TUBGCP5: variants seen among roughly 807,000 people sequenced by gnomAD.
The protein encoded by TUBGCP5 is gamma-tubulin complex component 5.
Under a neutral mutation model 134.7 loss-of-function variants are expected in TUBGCP5, and 98 were observed. The ratio of observed to expected loss-of-function variants is 0.73; its 90% CI spans 0.62 to 0.86. TUBGCP5 has a LOEUF of 0.86. Ranked by LOEUF, TUBGCP5 falls within the 40% of genes least tolerant of loss-of-function variation. The probability of loss-of-function intolerance (pLI) is 0.00; values close to 1 mark genes in which losing one functional copy is unlikely to be tolerated. For missense variants in TUBGCP5, 1,150 were observed against 1,244.8 expected (o/e 0.92, Z 1.15); for synonymous variants, 456 against 431.4 (o/e 1.06, Z -0.71).
intron 21 of TUBGCP5, among the ~76,000 whole-genome samples, chr15:23,002,114 A>ATT (rs2064421574): frequency 6.6e-6 from 1 of 150,768 alleles, no homozygotes; most frequent in African/African-American, 2.4e-5. Context: ...CAGCAGTGTT[A>ATT]TTTCTCCTCC....
intron 23 of TUBGCP5, among the ~76,000 whole-genome samples, chr15:22,992,603 G>C (rs2063882985): frequency 6.6e-6 from 1 of 152,106 alleles, no homozygotes; most frequent in Non-Finnish European, 1.5e-5. Context: ...CCTAACAGGT[G>C]GGCATGGCTC....
intron 21 of TUBGCP5, among the ~76,000 whole-genome samples, chr15:23,002,801 AG>A (rs778049909): frequency 2.6e-5 from 4 of 152,032 alleles, no homozygotes; most frequent in Non-Finnish European, 5.9e-5. Context: ...ATATAACATG[AG>A]TATAATCTAA....
At chr15:23,014,227 C>T (rs559408369) in intron 13 of TUBGCP5, among the ~76,000 whole-genome samples, 28 of 152,342 alleles carry the variant, frequency 1.8e-4, no homozygotes, top group South Asian at 4.1e-4. Flanking sequence ...CCCTTGCAGA[C>T]AGGCCCGTGG....
At chr15:22,996,942 G>A (rs2064109257), downstream of TUBGCP5, 1 of 151,954 alleles carries the variant, frequency 6.6e-6, no homozygotes, top group South Asian at 2.1e-4. Flanking sequence ...GCTCCAGCAT[G>A]GGCAACAAAG....
downstream of TUBGCP5, among the ~76,000 whole-genome samples, chr15:22,995,586 A>AC (rs1330562201): frequency 1.3e-5 from 2 of 151,634 alleles, no homozygotes; most frequent in Non-Finnish European, 1.5e-5. Context: ...AAAAAAAAAA[A>AC]AAACAAAACA....
chr15:23,039,109 G>A (rs1239466118), intron 1 of TUBGCP5, among the ~76,000 whole-genome samples: 1 of 151,982 alleles, frequency 6.6e-6, no homozygotes, highest in African/African-American at 2.4e-5. Flanking sequence ...GCCTCCCAGA[G>A]CGCTGGGGTT....
intron 6 of TUBGCP5, among the ~76,000 whole-genome samples, chr15:23,030,320 G>C (rs1228833646): frequency 6.6e-6 from 1 of 152,140 alleles, no homozygotes; most frequent in Non-Finnish European, 1.5e-5. Context: ...AAGTCTGTCT[G>C]TTTCTGGGTC....
chr15:23,001,483 A>G lies in TUBGCP5; in HGVS notation c.2928-814T>C, dbSNP rs189271483. Among the ~76,000 whole-genome samples, 501 of 150,844 alleles carry G rather than the reference A, an allele frequency of 3.3e-3. 3 individuals carry two copies. The highest frequency in any genetic ancestry group is 4.3e-3 in the Non-Finnish European group (290 of 67,820). ...CTCAGCCTCCCAAGTAGCTGGGATT[A>G]CAGGCATGCACCACCACGCCTGGCT... On this transcript the variant is annotated intron_variant, in intron 21 of 22. Transcript: ENST00000615383.
rs1204020002 is a variant in TUBGCP5 at position 23,000,581 on chromosome 15, A to T, written c.3016T>A (p.Ser1006Thr). 1 of 1,612,364 alleles carries T rather than the reference A, an allele frequency of 6.2e-7. No homozygotes were observed. Among genetic ancestry groups the T allele is most frequent in the Non-Finnish European group, 8.5e-7 (1 of 1,179,066 alleles). The change falls in exon 22 of 23, where the codon TCC (serine) becomes ACC (threonine). Residue 1006 changes from serine to threonine, a missense_variant. Physicochemically the swap from Ser to Thr is moderately conservative, Grantham distance 58. Around this residue, in one of 2 missense-constraint regions of TUBGCP5, gnomAD observed 697 missense variants for 850.1 expected, o/e 0.82. Coordinates refer to ENST00000615383, the MANE Select transcript of TUBGCP5 (RefSeq NM_052903.6). ...ATGATATACTCACAATGGGGAAAGG[A>T]TCCTCTACAGACGGCTTTGTTTAAA... ...TILNKAVCRG[S>T]FPHLESLALS...
At chr15:23,037,966 G>A (rs1239440268) in intron 1 of TUBGCP5, among the ~76,000 whole-genome samples, 2 of 152,044 alleles carry the variant, frequency 1.3e-5, no homozygotes, top group Admixed American at 1.3e-4. Context: ...GGGTTTCACC[G>A]TGTTAGCCAG....
At position 23,018,220 on chromosome 15, in the gene TUBGCP5, A is replaced by C. The variant is rs182099526; in HGVS notation, c.1488-179T>G. ...CTCAGTTTAAAGAGAAAAGTGAATA[A>C]ATACTTTGAATAGTGTAAGTAAAAT... On this transcript the variant is annotated intron_variant, in intron 12 of 22. Coordinates refer to ENST00000615383, the MANE Select transcript of TUBGCP5 (RefSeq NM_052903.6). Among the ~76,000 whole-genome samples the C allele has an allele frequency of 1.4e-3, 209 of 152,338 alleles. 1 individual carries two copies. Among genetic ancestry groups the C allele is most frequent in the African/African-American group, 4.4e-3 (183 of 41,580 alleles).
intron 6 of TUBGCP5, among the ~76,000 whole-genome samples, chr15:23,030,310 AAGTC>A (rs1226382653): frequency 6.6e-6 from 1 of 152,186 alleles, no homozygotes. Flanking sequence ...ACAAATAAAA[AAGTC>A]TGTCTGTTTC....
At chr15:23,021,081 G>A (rs2065659540) in intron 11 of TUBGCP5, among the ~76,000 whole-genome samples, 1 of 152,076 alleles carries the variant, frequency 6.6e-6, no homozygotes, top group Non-Finnish European at 1.5e-5. Context: ...TAGAGACGGG[G>A]TTTCACCATG....
chr15:23,032,886 G>C, intron 3 of TUBGCP5, 62 bp from the exon 4 acceptor site: 1 of 1,251,804 alleles, frequency 8.0e-7, no homozygotes. Context: ...ACACCAGATT[G>C]AGTAAAGATA....
intron 11 of TUBGCP5, among the ~76,000 whole-genome samples, chr15:23,021,626 CTT>C (rs1306799594): frequency 6.6e-6 from 1 of 152,236 alleles, no homozygotes; most frequent in Non-Finnish European, 1.5e-5. Context: ...CAGCATTCCA[CTT>C]TGTTTCTGTG....
rs150851985 is a variant in TUBGCP5 at position 23,000,161 on chromosome 15, C to T, written c.3029-295G>A. 1.8e-3 allele frequency: 1,381 copies of T among 775,088 alleles called. 4 individuals are homozygous for T. Among genetic ancestry groups the T allele is most frequent in the Admixed American group, 3.6e-3 (93 of 25,838 alleles). 48.0% of individuals were successfully genotyped at this position (775,088 alleles called of 1,614,324 possible). ...TCCTGACCTTAAGTGATTCACTCAA[C>T]CTCCCAAAGGGCTGGGATTAGAGGC... is the stretch of plus-strand genomic sequence containing the variant. On this transcript the variant is annotated intron_variant, in intron 22 of 22. Transcript: ENST00000615383.
In TUBGCP5 at chr15:23,035,711, C is replaced by A. The variant is rs1355667228; in HGVS notation, c.309+1186G>T. Among the ~76,000 whole-genome samples the A allele has an allele frequency of 2.6e-5, 4 of 152,056 alleles. 1 individual carries two copies. The East Asian group carries it at 7.7e-4, about 29-fold the overall frequency. On this transcript the variant is annotated intron_variant, in intron 3 of 22. Coordinates refer to ENST00000615383, the MANE Select transcript of TUBGCP5 (RefSeq NM_052903.6). ...ACCATGTGGGGGTTGGGGACCTCTG[C>A]CATAACAAACACATCCAAGATGCCA...
At chr15:23,025,830 CAAAAAA>C (rs553348558) in intron 8 of TUBGCP5, among the ~76,000 whole-genome samples, 2 of 62,266 alleles carry the variant, frequency 3.2e-5, no homozygotes, top group Non-Finnish European at 6.9e-5. Flanking sequence ...GACTCCGTCT[CAAAAAA>C]AAAAAAAAAA....
At chr15:23,037,036 C>G in intron 2 of TUBGCP5, 31 bp from the exon 3 acceptor site, 1 of 1,595,328 alleles carries the variant, frequency 6.3e-7, no homozygotes, top group Non-Finnish European at 8.5e-7. Flanking sequence ...ATAAAGCTAT[C>G]TTAAAAAGAT....
Sources: gnomAD v4.1 joint callset for allele counts (sites outside exome capture counted in the v4.1 genomes callset) on GRCh38, gnomAD v4.1.1 for gene constraint, gnomAD v4.1.1 regional missense constraint, MANE v1.5 for transcripts, NCBI Gene and HGNC (gene_info 2026-07-23, HGNC 2026-07-21) for gene names.